The following SUGCT variants were observed in gnomAD, a reference collection of about 807,000 sequenced individuals.
The protein encoded by SUGCT is succinyl-CoA:glutarate-CoA transferase.
SUGCT carries 41 observed loss-of-function variants against 55.0 expected under a neutral mutation model. That is an observed-to-expected ratio of 0.74 (90% CI 0.58 to 0.97). The LOEUF is 0.97. SUGCT is among the 50% of genes least tolerant of loss of function. The probability of loss-of-function intolerance (pLI) is 0.00; values close to 1 mark genes in which losing one functional copy is unlikely to be tolerated. For missense variants in SUGCT, 568 were observed against 547.8 expected (o/e 1.04, Z -0.37); for synonymous variants, 187 against 200.4 (o/e 0.93, Z 0.56).
rs1182390545 is a variant in SUGCT at position 40,716,042 on chromosome 7, G to A, written c.1090-33392G>A. Among the ~76,000 whole-genome samples, 9 of 152,174 alleles carry A rather than the reference G, an allele frequency of 5.9e-5. No individual in the cohort carries two copies. The South Asian group carries it at 8.3e-4, about 14-fold the overall frequency. On this transcript the variant is annotated intron_variant, in intron 12 of 13. Coordinates refer to ENST00000335693, the MANE Select transcript of SUGCT (RefSeq NM_001193313.2). The stretch of plus-strand genomic sequence containing the variant: ...CTTTAGTGCTAAGCACAGACAAGCC[G>A]CTTATTAAGTGGTAGGTGAGTGTAT...
the SUGCT span, among the ~76,000 whole-genome samples, chr7:41,032,744 CAAAA>C: frequency 6.6e-6 from 1 of 152,008 alleles, no homozygotes; most frequent in Non-Finnish European, 1.5e-5. Context: ...GGGGTAAAAA[CAAAA>C]AACCCCAGTT....
At chr7:40,511,492 C>T (rs112046907) in intron 12 of SUGCT, among the ~76,000 whole-genome samples, 1 of 152,124 alleles carries the variant, frequency 6.6e-6, no homozygotes, top group African/African-American at 2.4e-5. Context: ...CAAACTAAGT[C>T]TGCAGGTTAG....
the SUGCT span, among the ~76,000 whole-genome samples, chr7:40,923,663 T>G: frequency 6.6e-6 from 1 of 152,234 alleles, no homozygotes; most frequent in Non-Finnish European, 1.5e-5. Context: ...TCCCCAGGCC[T>G]GCAATTTTCT....
chr7:40,441,148 C>A (rs1044866000), intron 9 of SUGCT, among the ~76,000 whole-genome samples: 1 of 152,052 alleles, frequency 6.6e-6, no homozygotes, highest in Non-Finnish European at 1.5e-5. Context: ...CAAATATTTG[C>A]CAAGTACATG....
At chr7:40,810,151 G>T (rs891142808) in intron 13 of SUGCT, among the ~76,000 whole-genome samples, 1 of 151,300 alleles carries the variant, frequency 6.6e-6, no homozygotes, top group Non-Finnish European at 1.5e-5. Flanking sequence ...TTTGAGACAG[G>T]GTCTGGTTTG....
intron 13 of SUGCT, among the ~76,000 whole-genome samples, chr7:40,844,424 G>A (rs1411179907): frequency 6.6e-6 from 1 of 152,098 alleles, no homozygotes; most frequent in Non-Finnish European, 1.5e-5. Flanking sequence ...GGGACAGAGT[G>A]GGAAGATAAT....
rs182352117 is a variant in SUGCT at position 40,710,647 on chromosome 7, T to G, written c.1090-38787T>G. Among the ~76,000 whole-genome samples, 984 of 152,186 alleles carry G rather than the reference T, an allele frequency of 6.5e-3. 6 individuals are homozygous for G. Among genetic ancestry groups the G allele is most frequent in the Middle Eastern group, 0.024 (7 of 294 alleles). Reference sequence around the variant, plus strand: ...TAAAGAAAAACAAATGAGAAAAACTTTATAATCACATTAATAACTAGTCTA... The same window carrying G: ...TAAAGAAAAACAAATGAGAAAAACTGTATAATCACATTAATAACTAGTCTA... On this transcript the variant is annotated intron_variant, in intron 12 of 13. Coordinates refer to ENST00000335693, the MANE Select transcript of SUGCT (RefSeq NM_001193313.2).
At chr7:40,420,060 G>A (rs1787222773) in intron 9 of SUGCT, among the ~76,000 whole-genome samples, 2 of 152,174 alleles carry the variant, frequency 1.3e-5, no homozygotes, top group Non-Finnish European at 2.9e-5. Flanking sequence ...TTACTGTGTG[G>A]TAAGTGTTGT....
Position 40,793,930 on chromosome 7 carries a change from A to G in SUGCT, c.1153+44433A>G, listed in dbSNP as rs565495328. ...GCTAAATGTCTCTTCATCTGTATCT[A>G]TACTGTTTAACCTTTCCATTGAGTT... On this transcript the variant is annotated intron_variant, in intron 13 of 13. Transcript: ENST00000335693. Among the ~76,000 whole-genome samples, 11 of 152,220 alleles carry G rather than the reference A, an allele frequency of 7.2e-5. No homozygotes were observed. In the South Asian group the frequency reaches 1.2e-3, roughly 17 times the overall value.
rs567071846 is a variant in SUGCT at position 40,541,346 on chromosome 7, T to C, written c.1089+44960T>C. On this transcript the variant is annotated intron_variant, in intron 12 of 13. Coordinates refer to ENST00000335693, the MANE Select transcript of SUGCT (RefSeq NM_001193313.2). Reference sequence around the variant, plus strand: ...ATATTGCATAATGGCGCAGACATTCTAGAGAACGGTTTGTCATTACTTAGG... The same window carrying C: ...ATATTGCATAATGGCGCAGACATTCCAGAGAACGGTTTGTCATTACTTAGG... 3.3e-5 allele frequency among the ~76,000 whole-genome samples: 5 copies of C among 152,342 alleles called. No homozygotes were observed. The South Asian group carries it at 1.0e-3, about 32-fold the overall frequency.
chr7:40,388,825 T>C (rs1785256211), intron 9 of SUGCT, among the ~76,000 whole-genome samples: 1 of 152,202 alleles, frequency 6.6e-6, no homozygotes, highest in Non-Finnish European at 1.5e-5. Context: ...TCCTATTATT[T>C]TGGATTTGGA....
chr7:40,445,121 T>TGCA (rs1788743432), intron 9 of SUGCT, among the ~76,000 whole-genome samples: 1 of 151,750 alleles, frequency 6.6e-6, no homozygotes, highest in Admixed American at 6.6e-5. Flanking sequence ...CTTGATTTGG[T>TGCA]GCAGAAGGCA....
At chr7:40,521,060 T>C (rs1793502089) in intron 12 of SUGCT, among the ~76,000 whole-genome samples, 1 of 152,084 alleles carries the variant, frequency 6.6e-6, no homozygotes, top group African/African-American at 2.4e-5. Context: ...ATAGGAAATA[T>C]GATAAAAGGA....
At chr7:40,144,585 T>C (rs1362043838) in intron 1 of SUGCT, among the ~76,000 whole-genome samples, 2 of 152,198 alleles carry the variant, frequency 1.3e-5, no homozygotes, top group Non-Finnish European at 2.9e-5. Context: ...ATCTTCAGGC[T>C]GTTGCTGGTT....
chr7:40,443,358 A>G (rs1205566522), intron 9 of SUGCT, among the ~76,000 whole-genome samples: 2 of 152,084 alleles, frequency 1.3e-5, no homozygotes, highest in Non-Finnish European at 2.9e-5. Flanking sequence ...AAGTGCTCCT[A>G]TTTCTCCACA....
chr7:40,326,493 T>A (rs982725243), intron 9 of SUGCT, among the ~76,000 whole-genome samples: 1 of 152,214 alleles, frequency 6.6e-6, no homozygotes, highest in Non-Finnish European at 1.5e-5. Flanking sequence ...AATTTCTTTC[T>A]TAAACTTTAT....
At chr7:40,588,920 A>G (rs986194036) in intron 12 of SUGCT, among the ~76,000 whole-genome samples, 1 of 152,154 alleles carries the variant, frequency 6.6e-6, no homozygotes. Context: ...ATATGCATAC[A>G]TTTGCAGAGA....
chr7:40,151,414 C>T (rs1235436839), intron 1 of SUGCT, among the ~76,000 whole-genome samples: 1 of 152,198 alleles, frequency 6.6e-6, no homozygotes, highest in Non-Finnish European at 1.5e-5. Flanking sequence ...TCACTGGCTT[C>T]AGCTGCCTTT....
intron 7 of SUGCT, among the ~76,000 whole-genome samples, chr7:40,267,283 G>A (rs533606817): frequency 6.4e-4 from 97 of 152,132 alleles, no homozygotes; most frequent in African/African-American, 2.2e-3. Flanking sequence ...TGACAAAAGG[G>A]TTACATTAAT....
Sources: allele counts gnomAD v4.1 joint callset (sites outside exome capture counted in the v4.1 genomes callset), GRCh38; gene constraint gnomAD v4.1.1; transcripts MANE v1.5; gene names NCBI Gene and HGNC (gene_info 2026-07-23, HGNC 2026-07-21).